The following IFNGR2 variants were observed in gnomAD, a reference collection of about 807,000 sequenced individuals.
The protein encoded by IFNGR2 is interferon gamma receptor 2.
A neutral mutation model predicts 41.1 loss-of-function variants in IFNGR2; 15 were observed. The ratio of observed to expected loss-of-function variants is 0.37; its 90% CI spans 0.24 to 0.56. IFNGR2 has a LOEUF of 0.56. Among genes scored for constraint, IFNGR2 ranks in the 20% least tolerant of loss-of-function variants. The probability of loss-of-function intolerance (pLI) is 0.81; values close to 1 mark genes in which losing one functional copy is unlikely to be tolerated. For synonymous variants in IFNGR2, 161 were observed against 171.6 expected (o/e 0.94, Z 0.48); for missense variants, 362 against 415.7 (o/e 0.87, Z 1.12).
At chr21:33,420,962 C>T (rs374458879) in intron 2 of IFNGR2, among the ~76,000 whole-genome samples, 5 of 152,088 alleles carry the variant, frequency 3.3e-5, no homozygotes, top group African/African-American at 1.2e-4. Flanking sequence ...TTTGGGAGGC[C>T]GAGGTGGGCG....
At chr21:33,412,318 G>A (rs974496222) in intron 1 of IFNGR2, among the ~76,000 whole-genome samples, 14 of 152,130 alleles carry the variant, frequency 9.2e-5, no homozygotes, top group African/African-American at 3.1e-4. Flanking sequence ...CAGGAAGGTC[G>A]GAGATAATCC....
rs369150049 is a variant in IFNGR2, at chr21:33,436,941, A to T, written c.993A>T (p.Glu331Asp). Residue 331 changes from glutamate (E) to aspartate (D), a missense_variant, in exon 7 of 7, where the codon GAA (glutamate) becomes GAT (aspartate). Physicochemically the swap from Glu to Asp is conservative, Grantham distance 45. Transcript: ENST00000290219. Reference sequence around the variant, plus strand: ...TCTCGTTTCCGGAAAAGGAGCAAGAAGATGTTCTCCAAACGCTTTGAACCA... The same window carrying T: ...TCTCGTTTCCGGAAAAGGAGCAAGATGATGTTCTCCAAACGCTTTGAACCA... ...SIISFPEKEQ[E>D]DVLQTL is the part of the protein sequence containing the mutation. 8 of 1,613,918 alleles carry T rather than the reference A, an allele frequency of 5.0e-6. No individual in the cohort carries two copies. The highest frequency in any genetic ancestry group is 4.0e-5 in the African/African-American group (3 of 74,894).
At chr21:33,412,408 A>G (rs922805843) in intron 1 of IFNGR2, among the ~76,000 whole-genome samples, 1 of 152,204 alleles carries the variant, frequency 6.6e-6, no homozygotes, top group Non-Finnish European at 1.5e-5. Context: ...GTATTGCACT[A>G]AGTCTATGAG....
At chr21:33,416,925 C>CTTTTTTTTTTT (rs554788768) in intron 2 of IFNGR2, among the ~76,000 whole-genome samples, 3 of 128,254 alleles carry the variant, frequency 2.3e-5, no homozygotes, top group African/African-American at 2.9e-5. Context: ...TTTTCTTTTT[C>CTTTTTTTTTTT]TTTTTTTTTT....
chr21:33,406,637 A>T (rs2083679458), intron 1 of IFNGR2, among the ~76,000 whole-genome samples: 1 of 149,470 alleles, frequency 6.7e-6, no homozygotes, highest in African/African-American at 2.5e-5. Flanking sequence ...GAAAAAAAAA[A>T]GTGTTGGAAA....
At chr21:33,428,029 C>T (rs552208707) in intron 4 of IFNGR2, among the ~76,000 whole-genome samples, 1 of 151,554 alleles carries the variant, frequency 6.6e-6, no homozygotes, top group Non-Finnish European at 1.5e-5. Context: ...CCGTGCCCGG[C>T]CCATTTCATC....
rs1444216006 is a variant in IFNGR2 at position 33,403,465 on chromosome 21, G to C, written c.-79G>C. The C allele has an allele frequency of 2.2e-6, 2 of 908,926 alleles. No individual in the cohort carries two copies. The highest frequency in any genetic ancestry group is 2.7e-6 in the Non-Finnish European group (2 of 733,232). The allele number at this position is 908,926 out of a possible 1,614,324, so 56.3% of individuals were successfully genotyped here. A position where few individuals can be genotyped will look rare whatever the true frequency, so the allele number is the denominator to read the frequency against. ...CGCCCTGCGCTCGCCATGGCGGTTT[G>C]GGCGGCGACGTGAGCGGCTCCGCGG... On this transcript the variant is annotated 5_prime_UTR_variant, in exon 1 of 7. Transcript: ENST00000290219.
In IFNGR2 at chr21:33,432,739, C is replaced by T. The variant is rs1312226333; in HGVS notation, c.747C>T (p.Ile249=). The T allele has an allele frequency of 5.0e-6, 8 of 1,614,110 alleles. No individual in the cohort carries two copies. In the South Asian group the frequency reaches 6.6e-5, roughly 13 times the overall value. ...CCTCCACTGAGCTTCAGCAAGTCAT[C>T]CTGATCTCCGTGGGAACATTTTCGT... is the stretch of plus-strand genomic sequence containing the variant. ...ADASTELQQV[I]LISVGTFSLL... Residue 249 remains isoleucine, a synonymous_variant, in exon 6 of 7, where the codon ATC becomes ATT. Transcript: ENST00000290219.
At chr21:33,421,445 A>C in intron 2 of IFNGR2, 35 bp from the exon 3 acceptor site, 1 of 1,547,586 alleles carries the variant, frequency 6.5e-7, no homozygotes, top group Non-Finnish European at 8.9e-7. Context: ...TGAAACAGAG[A>C]ATTCTGTGAA....
At chr21:33,428,252 C>A (rs1412379234) in intron 4 of IFNGR2, among the ~76,000 whole-genome samples, 1 of 148,390 alleles carries the variant, frequency 6.7e-6, no homozygotes, top group Non-Finnish European at 1.5e-5. Context: ...TTGAGACAGT[C>A]TCACTGTCGC....
At chr21:33,409,113 G>T (rs2083698304) in intron 1 of IFNGR2, among the ~76,000 whole-genome samples, 1 of 151,440 alleles carries the variant, frequency 6.6e-6, no homozygotes, top group South Asian at 2.1e-4. Context: ...GGAAGTGGAG[G>T]TTACAGTGAG....
At chr21:33,403,658 C>A in intron 1 of IFNGR2, 42 bp downstream of exon 1, 1 of 1,273,108 alleles carries the variant, frequency 7.9e-7, no homozygotes, top group Non-Finnish European at 1.0e-6. Context: ...GCGGGCGCAG[C>A]CGCAGCATGT....
rs183653308 is a variant in IFNGR2 at position 33,411,163 on chromosome 21, C to T, written c.74-3725C>T. Among the ~76,000 whole-genome samples, 11 of 152,294 alleles carry T rather than the reference C, an allele frequency of 7.2e-5. 1 individual carries two copies. The highest frequency in any genetic ancestry group is 2.1e-4 in the South Asian group (1 of 4,832). ...AAAAGATAGGGGATGATAGGAAACC[C>T]GGATATAAGGCAGAACAATGTTGCT... On this transcript the variant is annotated intron_variant, in intron 1 of 6. Coordinates refer to ENST00000290219, the MANE Select transcript of IFNGR2 (RefSeq NM_005534.4).
At chr21:33,427,190 A>G (rs2083846149) in intron 4 of IFNGR2, among the ~76,000 whole-genome samples, 158 bp downstream of exon 4, 1 of 152,070 alleles carries the variant, frequency 6.6e-6, no homozygotes, top group Non-Finnish European at 1.5e-5. Flanking sequence ...TGTCCTCTTC[A>G]AGACCTGTTT....
intron 2 of IFNGR2, among the ~76,000 whole-genome samples, chr21:33,417,579 G>A (rs2083762674): frequency 6.6e-6 from 1 of 152,176 alleles, no homozygotes; most frequent in Admixed American, 6.5e-5. Context: ...GCAAGACCCA[G>A]TGCAAAATGA....
chr21:33,432,159 G>A lies in IFNGR2; in HGVS notation c.562-18G>A. ...GCCATGTTCATTTACATGTGTGCTTGTGATGTTTTTAAAACAGGTCAAAGG... is the reference window on the plus strand; with the variant it reads ...GCCATGTTCATTTACATGTGTGCTTATGATGTTTTTAAAACAGGTCAAAGG... On this transcript the variant is annotated intron_variant, in intron 4 of 6. Coordinates refer to ENST00000290219, the MANE Select transcript of IFNGR2 (RefSeq NM_005534.4). 1 of 1,612,122 alleles carries A rather than the reference G, an allele frequency of 6.2e-7. No homozygotes were observed. Among genetic ancestry groups the A allele is most frequent in the South Asian group, 1.1e-5 (1 of 91,050 alleles).
intron 6 of IFNGR2, among the ~76,000 whole-genome samples, chr21:33,433,810 G>T (rs552906072): frequency 7.9e-5 from 12 of 151,504 alleles, no homozygotes; most frequent in African/African-American, 2.9e-4. Context: ...TTAATGGCAT[G>T]GGGTTGGCTA....
chr21:33,423,516 A>T (rs371378979), intron 3 of IFNGR2, among the ~76,000 whole-genome samples: 1 of 150,744 alleles, frequency 6.6e-6, no homozygotes, highest in East Asian at 2.0e-4. Context: ...CCCGGGTTCA[A>T]GTGAGCCTCC....
rs780601430 is a variant in IFNGR2, at chr21:33,426,881, C to T, written c.413-3C>T. The T allele has an allele frequency of 2.5e-6, 4 of 1,612,394 alleles. No homozygotes were observed. The Admixed American group carries it at 6.7e-5, about 27-fold the overall frequency. On this transcript the variant is annotated splice_polypyrimidine_tract_variant and splice_region_variant and intron_variant, in intron 3 of 6. Coordinates refer to ENST00000290219, the MANE Select transcript of IFNGR2 (RefSeq NM_005534.4). ...TGGTTTTCTCTTTGTAATTCTTTTT[C>T]AGTGACTGTCGGGCCTCCAGAAAAC...
Sources: gnomAD v4.1 joint callset for allele counts (sites outside exome capture counted in the v4.1 genomes callset) on GRCh38, gnomAD v4.1.1 for gene constraint, MANE v1.5 for transcripts, NCBI Gene and HGNC (gene_info 2026-07-23, HGNC 2026-07-21) for gene names.